The following SSB variants were observed in gnomAD, a reference collection of about 807,000 sequenced individuals.
SSB encodes the protein lupus La protein.
SSB carries 17 observed loss-of-function variants against 52.9 expected under a neutral mutation model. The observed-to-expected ratio is 0.32, with a 90% confidence interval of 0.22 to 0.48. The LOEUF (loss-of-function observed/expected upper bound fraction) is 0.48, where lower values mean the gene tolerates loss of function less well. Ranked by LOEUF, SSB falls within the 20% of genes least tolerant of loss-of-function variation. The pLI, the probability that SSB is intolerant of heterozygous loss-of-function variation, is 0.99. For synonymous variants in SSB, 111 were observed against 152.1 expected, an observed-to-expected ratio of 0.73 and a Z score of 1.99; for missense variants, 314 against 463.6, an observed-to-expected ratio of 0.68 and a Z score of 2.96.
At chr2:169,810,013 T>C (rs1689913416) in intron 8 of SSB, 1 of 205,222 alleles carries the variant, frequency 4.9e-6, no homozygotes, top group Admixed American at 5.9e-5. Context: ...TAAATACCAG[T>C]TGTATAAGAG....
At chr2:169,805,971 CTTTTG>C (rs771982920) in intron 4 of SSB, 132 bp downstream of exon 4, 89 of 1,006,096 alleles carry the variant, frequency 8.8e-5, no homozygotes, top group African/African-American at 5.2e-4. Flanking sequence ...ACCTAAGTTT[CTTTTG>C]TTTTGTTTTG....
chr2:169,811,132 C>A, intron 10 of SSB, 51 bp from the exon 11 acceptor site: 1 of 1,592,776 alleles, frequency 6.3e-7, no homozygotes, highest in Admixed American at 1.9e-5. Flanking sequence ...AAAACATTGA[C>A]AAGAGACTTA....
intron 6 of SSB, among the ~76,000 whole-genome samples, chr2:169,807,737 C>CTTTT (rs55845251): frequency 0.085 from 6,284 of 73,906 alleles, 972 homozygotes; most frequent in East Asian, 0.26. Flanking sequence ...GCCTATATGT[C>CTTTT]TTTTTTTTTT....
intron 1 of SSB, among the ~76,000 whole-genome samples, chr2:169,799,750 T>C (rs1689669432): frequency 6.6e-6 from 1 of 152,214 alleles, no homozygotes; most frequent in Admixed American, 6.5e-5. Flanking sequence ...CAGTACCCCG[T>C]TGCAAGTGCT....
At chr2:169,804,349 A>G (rs1435137420) in intron 2 of SSB, among the ~76,000 whole-genome samples, 2 of 151,048 alleles carry the variant, frequency 1.3e-5, no homozygotes, top group Admixed American at 6.6e-5. Context: ...GGCTTAAGCA[A>G]TCCTCCCACT....
intron 1 of SSB, among the ~76,000 whole-genome samples, 179 bp from the exon 2 acceptor site, chr2:169,800,773 T>G (rs1370480782): frequency 6.6e-6 from 1 of 152,220 alleles, no homozygotes; most frequent in Non-Finnish European, 1.5e-5. Context: ...TTTTCATCAC[T>G]TATTCCAAAG....
chr2:169,803,229 GA>G (rs1689747535), intron 2 of SSB, among the ~76,000 whole-genome samples: 1 of 151,910 alleles, frequency 6.6e-6, no homozygotes, highest in African/African-American at 2.4e-5. Flanking sequence ...AATGAGGTTG[GA>G]TTTTTTTTTT....
At chr2:169,799,384 G>A (rs918934722) in intron 1 of SSB, 3 of 150,990 alleles carry the variant, frequency 2.0e-5, no homozygotes, top group Non-Finnish European at 4.4e-5. Context: ...GTAAACGCCG[G>A]AGGGTTCTGT....
intron 2 of SSB, among the ~76,000 whole-genome samples, chr2:169,803,155 C>A (rs1689746375): frequency 6.6e-6 from 1 of 152,088 alleles, no homozygotes; most frequent in Admixed American, 6.6e-5. Context: ...CTAATCTTAG[C>A]CAGTTTGTTA....
At chr2:169,805,187 A>G (rs760078775) in intron 2 of SSB, among the ~76,000 whole-genome samples, 13 of 152,100 alleles carry the variant, frequency 8.5e-5, no homozygotes, top group Non-Finnish European at 1.6e-4. Flanking sequence ...TTATTTAACC[A>G]TCTGTTCTTT....
chr2:169,803,641 A>G (rs976783837), intron 2 of SSB, among the ~76,000 whole-genome samples: 16 of 152,102 alleles, frequency 1.1e-4, no homozygotes, highest in South Asian at 6.2e-4. Flanking sequence ...AGGAAGATCA[A>G]TTGAGCCCGG....
chr2:169,809,118 C>G (rs1341614390), intron 8 of SSB: 1 of 525,124 alleles, frequency 1.9e-6, no homozygotes, highest in Non-Finnish European at 3.5e-6. Context: ...CAGTGGCCCA[C>G]GCCTGTAATC....
At chr2:169,799,505 A>G (rs1197592551) in intron 1 of SSB, 1 of 152,048 alleles carries the variant, frequency 6.6e-6, no homozygotes, top group Admixed American at 6.6e-5. Flanking sequence ...TTTCAGTGTG[A>G]AACGGGAAAA....
chr2:169,806,667 T>G (rs1226337831), intron 4 of SSB, 118 bp from the exon 5 acceptor site: 7 of 753,618 alleles, frequency 9.3e-6, no homozygotes, highest in East Asian at 2.6e-5. Context: ...CAAAGAGAAA[T>G]AGAGATAGAT....
chr2:169,809,137 T>C (rs1052658788), intron 8 of SSB, among the ~76,000 whole-genome samples: 1 of 152,196 alleles, frequency 6.6e-6, no homozygotes, highest in Non-Finnish European at 1.5e-5. Context: ...TCCCAGCACT[T>C]TGGAAGGCCG....
At chr2:169,810,207 T>C in intron 8 of SSB, 76 bp from the exon 9 acceptor site, 1 of 1,170,646 alleles carries the variant, frequency 8.5e-7, no homozygotes, top group Non-Finnish European at 1.2e-6. Flanking sequence ...CTTGTATAGC[T>C]ATAAGGTGGT....
intron 8 of SSB, 56 bp downstream of exon 8, chr2:169,808,958 C>T (rs922173579): frequency 2.1e-6 from 3 of 1,412,878 alleles, no homozygotes; most frequent in Admixed American, 1.7e-5. Context: ...AAATGAATAG[C>T]TTTTAAGTCT....
chr2:169,804,568 A>ATAAAAC (rs1689786234), intron 2 of SSB, among the ~76,000 whole-genome samples: 1 of 149,738 alleles, frequency 6.7e-6, no homozygotes, highest in Non-Finnish European at 1.5e-5. Context: ...CTTTTTTGAG[A>ATAAAAC]TGGAGTCTCA....
chr2:169,801,915 ACC>A (rs1689719832), intron 2 of SSB, among the ~76,000 whole-genome samples: 1 of 152,110 alleles, frequency 6.6e-6, no homozygotes, highest in Non-Finnish European at 1.5e-5. Flanking sequence ...TTAACGTAAT[ACC>A]TCAAGTGATC....
Sources: gnomAD v4.1 joint callset for allele counts (sites outside exome capture counted in the v4.1 genomes callset) on GRCh38, gnomAD v4.1.1 for gene constraint, MANE v1.5 for transcripts, NCBI Gene and HGNC (gene_info 2026-07-23, HGNC 2026-07-21) for gene names.